PFKL: variants seen among roughly 807,000 people sequenced by gnomAD.
PFKL encodes the protein phosphofructokinase, liver type, also known as ATP-dependent 6-phosphofructokinase, liver type.
Under a neutral mutation model 92.1 loss-of-function variants are expected in PFKL, and 74 were observed. The observed-to-expected ratio is 0.80, with a 90% CI of 0.67 to 0.97. The LOEUF (loss-of-function observed/expected upper bound fraction) is 0.97. PFKL is among the 50% of genes least tolerant of loss of function. The probability of loss-of-function intolerance (pLI) is 0.00; values close to 1 mark genes in which losing one functional copy is unlikely to be tolerated. For missense variants in PFKL, 1,028 were observed against 1,116.6 expected (o/e 0.92, Z 1.13); for synonymous variants, 494 against 456.4 (o/e 1.08, Z -1.05).
Position 44,322,140 on chromosome 21 carries a change from A to G in PFKL, c.1346A>G (p.Glu449Gly). Reference protein sequence around the residue: ...FEGLAKGQVQEVGWHDVAGWL... With the variant: ...FEGLAKGQVQGVGWHDVAGWL... ...TGCATCTCCTCCTGGCAGGTGCAAG[A>G]AGTAGGCTGGCACGACGTGGCCGGC... The change falls in exon 14 of 22, where the codon GAA becomes GGA. Residue 449 changes from glutamate (E) to glycine (G), a missense_variant. Coordinates refer to ENST00000349048, the MANE Select transcript of PFKL (RefSeq NM_002626.6). The G allele has an allele frequency of 6.2e-7, 1 of 1,606,014 alleles. No homozygotes were observed. Among genetic ancestry groups the G allele is most frequent in the Admixed American group, 1.7e-5 (1 of 59,778 alleles).
rs749333614 is a variant in PFKL, at chr21:44,316,306, C to G, written c.810C>G (p.Asn270Lys). The change falls in exon 8 of 22, where the codon AAC becomes AAG. Residue 270 changes from asparagine (N) to lysine (K), a missense_variant. Coordinates refer to ENST00000349048, the MANE Select transcript of PFKL (RefSeq NM_002626.6). ...TCGCTGAGGGTGCCATTGACCGCAA[C>G]GGGAAGCCCATCTCGTCCAGCTACG... ...IIIAEGAIDR[N>K]GKPISSSYVK... is the part of the protein sequence containing the mutation. 1 of 1,613,308 alleles carries G rather than the reference C, an allele frequency of 6.2e-7. No individual in the cohort carries two copies. The highest frequency in any genetic ancestry group is 1.1e-5 in the South Asian group (1 of 91,086).
intron 21 of PFKL, 128 bp from the exon 22 acceptor site, chr21:44,326,587 C>A: frequency 8.3e-7 from 1 of 1,210,402 alleles, no homozygotes; most frequent in Non-Finnish European, 1.1e-6. Flanking sequence ...TCCACGGATA[C>A]CGAGATGTTC....
intron 1 of PFKL, chr21:44,304,354 G>T: frequency 7.8e-7 from 1 of 1,286,638 alleles, no homozygotes; most frequent in Non-Finnish European, 1.0e-6. Context: ...CATTGACTCC[G>T]CCTGGAGCTG....
At chr21:44,303,608 T>C (rs1449468580) in intron 1 of PFKL, among the ~76,000 whole-genome samples, 1 of 152,056 alleles carries the variant, frequency 6.6e-6, no homozygotes, top group Non-Finnish European at 1.5e-5. Context: ...TTTCCTGTTA[T>C]CGCAGGTGAG....
At chr21:44,305,690 T>C (rs2040913975) in intron 1 of PFKL, 4 of 1,129,590 alleles carry the variant, frequency 3.5e-6, no homozygotes, top group Non-Finnish European at 4.7e-6. Flanking sequence ...GCCCCTTTTG[T>C]ATGAAGTCAT....
chr21:44,319,605 C>T (rs1018159148), intron 11 of PFKL, 190 bp downstream of exon 11: 5 of 607,202 alleles, frequency 8.2e-6, no homozygotes, highest in East Asian at 2.8e-5. Flanking sequence ...CACAGGAGAC[C>T]CTGGGCGGTG....
intron 1 of PFKL, chr21:44,304,317 G>T: frequency 7.8e-7 from 1 of 1,288,830 alleles, no homozygotes; most frequent in Non-Finnish European, 1.0e-6. Flanking sequence ...AGATGGCTGT[G>T]ACCCTGGGCT....
intron 15 of PFKL, 29 bp downstream of exon 15, chr21:44,323,078 C>T (rs1011390116): frequency 2.3e-5 from 33 of 1,418,468 alleles, no homozygotes; most frequent in Non-Finnish European, 3.1e-5. Context: ...CGAAAAAGCC[C>T]CAGGGCACAG....
chr21:44,300,512 G>A (rs917175607), intron 1 of PFKL, among the ~76,000 whole-genome samples: 1 of 152,202 alleles, frequency 6.6e-6, no homozygotes. Context: ...AGCGGAGGGC[G>A]CCGGTCCCGC....
At chr21:44,322,658 C>T (rs1432035131) in intron 14 of PFKL, among the ~76,000 whole-genome samples, 1 of 152,188 alleles carries the variant, frequency 6.6e-6, no homozygotes, top group African/African-American at 2.4e-5. Context: ...AGCATCCGCT[C>T]CTGCCGCTGA....
rs113385924 is a variant in PFKL at position 44,301,302 on chromosome 21, C to G, written c.85+1112C>G. Among the ~76,000 whole-genome samples, 1,204 of 152,262 alleles carry G rather than the reference C, an allele frequency of 7.9e-3. 18 individuals carry two copies. The highest frequency in any genetic ancestry group is 0.027 in the African/African-American group (1,139 of 41,554). The stretch of plus-strand genomic sequence containing the variant: ...GCCAGGCCTGTGGTGGCTGCCCACC[C>G]GCCCTTTTCACAGCTGTGGCAAGAG... On this transcript the variant is annotated intron_variant, in intron 1 of 21. Transcript: ENST00000349048.
chr21:44,323,670 G>A (rs2047417885), intron 15 of PFKL, 96 bp from the exon 16 acceptor site: 1 of 1,329,810 alleles, frequency 7.5e-7, no homozygotes. Flanking sequence ...TGACAGGTCA[G>A]CAGGGAGCAG....
chr21:44,322,066 G>T, intron 13 of PFKL, 67 bp from the exon 14 acceptor site: 4 of 1,534,406 alleles, frequency 2.6e-6, no homozygotes, highest in Non-Finnish European at 2.7e-6. Flanking sequence ...CCGGGCACAG[G>T]CCCACCCCTG....
Position 44,300,113 on chromosome 21 carries a change from C to T in PFKL, c.8C>T (p.Ala3Val). The change falls in exon 1 of 22, where the codon GCG becomes GTG. Residue 3 changes from alanine to valine, a missense_variant. Transcript: ENST00000349048. MA[A>V]VDLEKLRASG... ...CGTGTTTCGGCCGCCGCCATGGCCGCGGTGGACCTGGAGAAGCTGCGGGCG... is the reference window on the plus strand; with the variant it reads ...CGTGTTTCGGCCGCCGCCATGGCCGTGGTGGACCTGGAGAAGCTGCGGGCG... 8.6e-7 allele frequency: 1 copy of T among 1,168,442 alleles called. No individual in the cohort carries two copies. Among genetic ancestry groups the T allele is most frequent in the Non-Finnish European group, 1.1e-6 (1 of 932,792 alleles). The allele number at this position is 1,168,442 out of a possible 1,614,324, so 72.4% of individuals were successfully genotyped here.
In PFKL at chr21:44,305,976, C is replaced by T. The variant is rs1382918961; in HGVS notation, c.86-705C>T. ...GCCCTGGGGCAGGGCAGTGCTGTTCCCTGGGTGGCTGAGGCCGGAGGGGCT... is the reference window on the plus strand; with the variant it reads ...GCCCTGGGGCAGGGCAGTGCTGTTCTCTGGGTGGCTGAGGCCGGAGGGGCT... On this transcript the variant is annotated intron_variant, in intron 1 of 21. Transcript: ENST00000349048. The T allele has an allele frequency of 4.7e-6, 6 of 1,273,746 alleles. No individual in the cohort carries two copies. In the South Asian group the frequency reaches 4.9e-5, roughly 10 times the overall value. 78.9% of individuals were successfully genotyped at this position (1,273,746 alleles called of 1,614,324 possible). A position where few individuals can be genotyped will look rare whatever the true frequency, so the allele number is the denominator to read the frequency against.
rs1293898648 is a variant in PFKL at position 44,323,056 on chromosome 21, G to A, written c.1497+7G>A. On this transcript the variant is annotated splice_region_variant and intron_variant, in intron 15 of 21. Coordinates refer to ENST00000349048, the MANE Select transcript of PFKL (RefSeq NM_002626.6). ...GGTGGTCGGTGGGTTTGAGGTGAGAGCTGCCCACGGACGAAAAAGCCCCAG... is the reference window on the plus strand; with the variant it reads ...GGTGGTCGGTGGGTTTGAGGTGAGAACTGCCCACGGACGAAAAAGCCCCAG... 1 of 1,600,092 alleles carries A rather than the reference G, an allele frequency of 6.2e-7. No homozygotes were observed. The highest frequency in any genetic ancestry group is 2.3e-5 in the East Asian group (1 of 43,874).
At position 44,326,736 on chromosome 21, in the gene PFKL, G is replaced by A. The variant is rs1317343050; in HGVS notation, c.2217G>A (p.Gln739=). 2 of 1,611,716 alleles carry A rather than the reference G, an allele frequency of 1.2e-6. No individual in the cohort carries two copies. The highest frequency in any genetic ancestry group is 8.5e-7 in the Non-Finnish European group (1 of 1,179,514). Reference sequence around the variant, plus strand: ...ACAGGCACCGCATGCCACGGGAGCAGTGGTGGCTGAGCCTGCGGCTCATGC... The same window carrying A: ...ACAGGCACCGCATGCCACGGGAGCAATGGTGGCTGAGCCTGCGGCTCATGC... ...TDFEHRMPRE[Q]WWLSLRLMLK... Residue 739 remains glutamine (Q), a synonymous_variant, in exon 22 of 22, where the codon CAG becomes CAA. Transcript: ENST00000349048.
intron 19 of PFKL, chr21:44,325,530 C>T (rs764388692): frequency 2.0e-5 from 11 of 557,858 alleles, no homozygotes; most frequent in South Asian, 6.2e-5. Flanking sequence ...CCAGGCCTCC[C>T]GCGGCCACTT....
chr21:44,311,515 CAT>C (rs1236933583), intron 3 of PFKL, among the ~76,000 whole-genome samples: 5 of 152,326 alleles, frequency 3.3e-5, no homozygotes, highest in Admixed American at 1.3e-4. Flanking sequence ...AACATACAGA[CAT>C]ATGTACTCAG....
Sources: gnomAD v4.1 joint callset for allele counts (sites outside exome capture counted in the v4.1 genomes callset) on GRCh38, gnomAD v4.1.1 for gene constraint, MANE v1.5 for transcripts, NCBI Gene and HGNC (gene_info 2026-07-23, HGNC 2026-07-21) for gene names.